The following PHACTR1 variants were observed in gnomAD, a reference collection of about 807,000 sequenced individuals.
PHACTR1 encodes phosphatase and actin regulator 1.
Under a neutral mutation model 69.2 loss-of-function variants are expected in PHACTR1, and 16 were observed. That is an observed-to-expected ratio of 0.23 (90% CI 0.16 to 0.35). PHACTR1 has a LOEUF of 0.35. Ranked by LOEUF, PHACTR1 falls within the 10% of genes least tolerant of loss-of-function variation. The probability of loss-of-function intolerance (pLI) is 1.00; values close to 1 mark genes in which losing one functional copy is unlikely to be tolerated. For missense variants in PHACTR1, 510 were observed against 734.7 expected (o/e 0.69, Z 3.54); for synonymous variants, 312 against 284.5 (o/e 1.10, Z -0.97).
At chr6:12,992,482 A>G (rs1303342706) in intron 4 of PHACTR1, among the ~76,000 whole-genome samples, 2 of 152,196 alleles carry the variant, frequency 1.3e-5, no homozygotes, top group Non-Finnish European at 2.9e-5. Context: ...GACATCTCCC[A>G]GTTATTGCTA....
At chr6:13,256,213 G>A (rs1383235420) in intron 10 of PHACTR1, among the ~76,000 whole-genome samples, 1 of 152,266 alleles carries the variant, frequency 6.6e-6, no homozygotes, top group East Asian at 1.9e-4. Context: ...GCTAGAGCTA[G>A]AGTGACTGAG....
At chr6:13,075,345 T>C (rs1810267251) in intron 5 of PHACTR1, among the ~76,000 whole-genome samples, 1 of 152,190 alleles carries the variant, frequency 6.6e-6, no homozygotes, top group South Asian at 2.1e-4. Flanking sequence ...GGATTTGAAC[T>C]CTAGTAGCCT....
chr6:12,794,938 G>A (rs1483478635), intron 4 of PHACTR1, among the ~76,000 whole-genome samples: 1 of 152,132 alleles, frequency 6.6e-6, no homozygotes. Context: ...ATCACTCTAG[G>A]GGGCTGTGAA....
intron 4 of PHACTR1, among the ~76,000 whole-genome samples, chr6:12,764,850 C>A (rs960194799): frequency 2.0e-5 from 3 of 151,434 alleles, no homozygotes; most frequent in African/African-American, 7.3e-5. Context: ...CTGCTCTGGT[C>A]AGGTAAAGAT....
chr6:13,157,966 C>T (rs1210247908), intron 5 of PHACTR1, among the ~76,000 whole-genome samples: 2 of 152,092 alleles, frequency 1.3e-5, no homozygotes, highest in African/African-American at 4.8e-5. Flanking sequence ...ACTGCAACCT[C>T]TGCCTCCCGG....
intron 5 of PHACTR1, among the ~76,000 whole-genome samples, chr6:13,076,410 C>T (rs1330357537): frequency 1.3e-5 from 2 of 152,202 alleles, no homozygotes; most frequent in African/African-American, 2.4e-5. Context: ...CAGCCCTTCA[C>T]CTGTTCATGC....
chr6:13,284,841 G>A (rs879851860), intron 13 of PHACTR1, among the ~76,000 whole-genome samples: 8 of 152,180 alleles, frequency 5.3e-5, no homozygotes, highest in Non-Finnish European at 8.8e-5. Flanking sequence ...AGCAGCAAGA[G>A]GCAGATAGAC....
At chr6:13,002,367 A>AT (rs1204731542) in intron 4 of PHACTR1, among the ~76,000 whole-genome samples, 4 of 151,896 alleles carry the variant, frequency 2.6e-5, no homozygotes, top group African/African-American at 4.8e-5. Flanking sequence ...TCTCAGCTCT[A>AT]TTTTTTTTAT....
chr6:13,246,332 G>A lies in PHACTR1; in HGVS notation c.1391+16139G>A, dbSNP rs1007865805. On this transcript the variant is annotated intron_variant, in intron 10 of 14. Transcript: ENST00000332995. This position sits in a 1 kb window ranked among gnomAD's most constrained non-coding sequence, Gnocchi z 4.2. ...TTCTCCCACAGATACATTCTTTCAC[G>A]GCCACCATGATCTTCCTTGATCCCA... 2.0e-5 allele frequency among the ~76,000 whole-genome samples: 3 copies of A among 151,794 alleles called. No individual in the cohort carries two copies. Among genetic ancestry groups the A allele is most frequent in the South Asian group, 2.1e-4 (1 of 4,832 alleles).
rs550934995 is a variant in PHACTR1 at position 12,911,874 on chromosome 6, A to G, written c.251-141491A>G. 4.6e-5 allele frequency among the ~76,000 whole-genome samples: 7 copies of G among 152,370 alleles called. No homozygotes were observed. In the South Asian group the frequency reaches 1.4e-3, roughly 32 times the overall value. ...TGTGAAATCCTCTCCAGAAAGCTCTATTAACTTTATTACCTGAAAACAAAT... is the reference window on the plus strand; with the variant it reads ...TGTGAAATCCTCTCCAGAAAGCTCTGTTAACTTTATTACCTGAAAACAAAT... On this transcript the variant is annotated intron_variant, in intron 4 of 14. Transcript: ENST00000332995.
intron 3 of PHACTR1, among the ~76,000 whole-genome samples, chr6:12,725,849 T>C (rs1447796637): frequency 6.6e-6 from 1 of 151,894 alleles, no homozygotes; most frequent in Non-Finnish European, 1.5e-5. Flanking sequence ...GGGGTGAGAA[T>C]GCTTAAATCT....
intron 4 of PHACTR1, among the ~76,000 whole-genome samples, chr6:12,766,818 C>T (rs1257250139): frequency 1.3e-5 from 2 of 152,154 alleles, no homozygotes; most frequent in Non-Finnish European, 1.5e-5. Flanking sequence ...TTTAATGTGG[C>T]AACTTAATGT....
At chr6:13,081,534 T>C (rs912741863) in intron 5 of PHACTR1, among the ~76,000 whole-genome samples, 1 of 152,128 alleles carries the variant, frequency 6.6e-6, no homozygotes, top group African/African-American at 2.4e-5. Flanking sequence ...AAAGTGTACT[T>C]AAAGAAGCAG....
Position 13,069,810 on chromosome 6 carries a change from T to C in PHACTR1, c.415+16281T>C, listed in dbSNP as rs1809236839. Among the ~76,000 whole-genome samples the C allele has an allele frequency of 2.0e-5, 3 of 152,322 alleles. No individual in the cohort carries two copies. In the South Asian group the frequency reaches 6.2e-4, roughly 32 times the overall value. ...TGACCCTTTCCATGCCTTATGGACT[T>C]GAATCTTGCAACAGACCTATATAGT... On this transcript the variant is annotated intron_variant, in intron 5 of 14. Coordinates refer to ENST00000332995, the MANE Select transcript of PHACTR1 (RefSeq NM_030948.6).
intron 5 of PHACTR1, among the ~76,000 whole-genome samples, chr6:13,108,292 G>A (rs1415495379): frequency 2.6e-5 from 4 of 151,800 alleles, no homozygotes; most frequent in African/African-American, 9.7e-5. Flanking sequence ...TTTATGGCCT[G>A]GTGTATAAAA....
At chr6:13,225,715 T>C (rs952193609) in intron 8 of PHACTR1, among the ~76,000 whole-genome samples, 1 of 152,220 alleles carries the variant, frequency 6.6e-6, no homozygotes, top group Non-Finnish European at 1.5e-5. Context: ...TATTGACTGC[T>C]TTCATCCCCA....
At chr6:12,956,142 C>T (rs1472687142) in intron 4 of PHACTR1, among the ~76,000 whole-genome samples, 3 of 152,176 alleles carry the variant, frequency 2.0e-5, no homozygotes, top group East Asian at 1.9e-4. Flanking sequence ...ACAAGGCTGA[C>T]CAACATTAGC....
chr6:13,031,552 A>C (rs1461155354), intron 4 of PHACTR1, among the ~76,000 whole-genome samples: 1 of 152,198 alleles, frequency 6.6e-6, no homozygotes, highest in Non-Finnish European at 1.5e-5. Flanking sequence ...ATATGAAAGC[A>C]TGGTCATTGA....
intron 4 of PHACTR1, among the ~76,000 whole-genome samples, chr6:13,047,912 C>T (rs545670593): frequency 2.6e-5 from 4 of 152,232 alleles, no homozygotes; most frequent in Non-Finnish European, 5.9e-5. Flanking sequence ...CCGCTGCATG[C>T]CCTAGGAGCC....
Sources: gnomAD v4.1 joint callset for allele counts (sites outside exome capture counted in the v4.1 genomes callset) on GRCh38, gnomAD v4.1.1 for gene constraint, Gnocchi (gnomAD v3.1) non-coding constraint, MANE v1.5 for transcripts, NCBI Gene and HGNC (gene_info 2026-07-23, HGNC 2026-07-21) for gene names.